Variants in MIA2 observed in about 807,000 individuals in gnomAD.
MIA2 encodes MIA SH3 domain ER export factor 2.
Under a neutral mutation model 167.8 loss-of-function variants are expected in MIA2, and 127 were observed. The observed-to-expected ratio is 0.76, with a 90% CI of 0.66 to 0.88. The LOEUF is 0.88. Among genes scored for constraint, MIA2 ranks in the 40% least tolerant of loss-of-function variants. MIA2 has a pLI of 0.00. For synonymous variants in MIA2, 552 were observed against 541.9 expected (o/e 1.02, Z -0.26); for missense variants, 1,690 against 1,624.7 (o/e 1.04, Z -0.69).
chr14:39,347,200 T>G (rs2073465913), intron 26 of MIA2, among the ~76,000 whole-genome samples: 1 of 152,152 alleles, frequency 6.6e-6, no homozygotes, highest in Non-Finnish European at 1.5e-5. Flanking sequence ...CAAGGACAGA[T>G]GTAGTGAGAA....
chr14:39,272,928 T>C (rs1456253826), intron 6 of MIA2, among the ~76,000 whole-genome samples: 1 of 152,264 alleles, frequency 6.6e-6, no homozygotes, highest in Non-Finnish European at 1.5e-5. Flanking sequence ...GGAAATGTTT[T>C]CTTTATTTCA....
At chr14:39,270,627 C>G (rs1186397991) in intron 6 of MIA2, among the ~76,000 whole-genome samples, 1 of 152,122 alleles carries the variant, frequency 6.6e-6, no homozygotes, top group Non-Finnish European at 1.5e-5. Context: ...TTCCTGGCCT[C>G]AAGGGATCCT....
chr14:39,287,941 G>T (rs2060043622), intron 9 of MIA2, among the ~76,000 whole-genome samples: 1 of 152,038 alleles, frequency 6.6e-6, no homozygotes, highest in African/African-American at 2.4e-5. Flanking sequence ...ACCTCCTGGG[G>T]TCATGTGATT....
At chr14:39,380,726 T>G (rs916986526) in intron 23 of MIA2, among the ~76,000 whole-genome samples, 3 of 146,856 alleles carry the variant, frequency 2.0e-5, no homozygotes, top group Non-Finnish European at 4.5e-5. Context: ...CGATGCCAAG[T>G]CAAACATAAA....
intron 7 of MIA2, 141 bp from the exon 8 acceptor site, chr14:39,279,196 G>A: frequency 1.8e-6 from 1 of 565,356 alleles, no homozygotes; most frequent in Non-Finnish European, 3.1e-6. Flanking sequence ...TTTTCTCATT[G>A]GAAACAGAAT....
At chr14:39,308,126 G>A (rs1021814272) in intron 17 of MIA2, among the ~76,000 whole-genome samples, 1 of 152,062 alleles carries the variant, frequency 6.6e-6, no homozygotes, top group Admixed American at 6.5e-5. Flanking sequence ...CTAGAAGAGA[G>A]GATTTTGAAT....
Position 39,252,766 on chromosome 14 carries a change from A to T in MIA2, c.1586A>T (p.Glu529Val). Residue 529 changes from glutamate (E) to valine (V), a missense_variant, in exon 5 of 29, where the codon GAG (glutamate) becomes GTG (valine). Coordinates refer to ENST00000640607, the MANE Select transcript of MIA2 (RefSeq NM_001329214.4). ...TTTGTAGATATGGTCTCTAACATAG[A>T]GTTACCTACGAGAATTCACGAAGAA... ...YSLSDMVSNI[E>V]LPTRIHEEVY... The T allele has an allele frequency of 1.9e-6, 3 of 1,611,680 alleles. No homozygotes were observed. Among genetic ancestry groups the T allele is most frequent in the Non-Finnish European group, 1.7e-6 (2 of 1,178,362 alleles).
chr14:39,267,421 C>A (rs779611509), intron 6 of MIA2: 42 of 1,609,468 alleles, frequency 2.6e-5, no homozygotes, highest in Non-Finnish European at 3.4e-5. Flanking sequence ...CCCGACAGGC[C>A]GGGGTTACTG....
chr14:39,309,845 A>AGT (rs974961683), intron 18 of MIA2, among the ~76,000 whole-genome samples: 1 of 151,844 alleles, frequency 6.6e-6, no homozygotes, highest in Non-Finnish European at 1.5e-5. Flanking sequence ...GGAGTGAAGG[A>AGT]GTGTGTGTGT....
At chr14:39,300,313 G>T (rs905664205) in intron 14 of MIA2, among the ~76,000 whole-genome samples, 4 of 152,132 alleles carry the variant, frequency 2.6e-5, no homozygotes, top group Non-Finnish European at 2.9e-5. Flanking sequence ...AAGAGTTTGA[G>T]AAATTGGATG....
chr14:39,320,971 T>C lies in MIA2; in HGVS notation c.3411T>C (p.Ser1137=). The change falls in exon 24 of 29, where the codon TCT becomes TCC. Residue 1137 remains serine (S), a synonymous_variant. Transcript: ENST00000640607. Reference sequence around the variant, plus strand: ...CCTCACCATTGGGTTGGCCTTCATCTGAAACAAGAGCTTTTCTCTCTCCTC... The same window carrying C: ...CCTCACCATTGGGTTGGCCTTCATCCGAAACAAGAGCTTTTCTCTCTCCTC... The part of the protein sequence containing the change: ...YGPSPLGWPS[S]ETRAFLSPPT... 6.2e-7 allele frequency: 1 copy of C among 1,613,774 alleles called. No individual in the cohort carries two copies. Among genetic ancestry groups the C allele is most frequent in the Non-Finnish European group, 8.5e-7 (1 of 1,179,732 alleles).
intron 6 of MIA2, among the ~76,000 whole-genome samples, chr14:39,261,140 T>A (rs1040427067): frequency 2.0e-5 from 3 of 151,994 alleles, no homozygotes; most frequent in South Asian, 2.1e-4. Flanking sequence ...TCCCTCCCCC[T>A]CCCCTCACCC....
At chr14:39,269,368 C>T (rs2056708636) in intron 6 of MIA2, among the ~76,000 whole-genome samples, 1 of 151,888 alleles carries the variant, frequency 6.6e-6, no homozygotes, top group South Asian at 2.1e-4. Context: ...CCTTGACAAC[C>T]ACTAATCTAT....
rs1595917384 is a variant in MIA2, at chr14:39,350,110, AT to A, written c.4086del (p.Pro1363HisfsTer32). ...TCTCTTTGAACAGTGAGAAATGTCTATCCACCGAGGGGTTTTCCTCCTTACC... is the reference window on the plus strand; with the variant it reads ...TCTCTTTGAACAGTGAGAAATGTCTACCACCGAGGGGTTTTCCTCCTTACC... ...PPAPFAMRNV[Y>X]PPRGFPPYLP... On this transcript the variant is annotated frameshift_variant, in exon 29 of 29. Coordinates refer to ENST00000640607, the MANE Select transcript of MIA2 (RefSeq NM_001329214.4). LOFTEE classifies it high-confidence loss of function. 1 of 1,322,300 alleles carries A rather than the reference AT, an allele frequency of 7.6e-7. No individual in the cohort carries two copies. The highest frequency in any genetic ancestry group is 1.0e-6 in the Non-Finnish European group (1 of 957,360). 81.9% of individuals were successfully genotyped at this position (1,322,300 alleles called of 1,614,324 possible).
intron 1 of MIA2, among the ~76,000 whole-genome samples, chr14:39,234,685 A>ATGTTTG: frequency 6.6e-6 from 1 of 152,146 alleles, no homozygotes; most frequent in Non-Finnish European, 1.5e-5. Context: ...GACGTTCCTA[A>ATGTTTG]AAAGTGTTTT....
At chr14:39,343,277 T>G (rs1315518351) in intron 25 of MIA2, among the ~76,000 whole-genome samples, 1 of 152,190 alleles carries the variant, frequency 6.6e-6, no homozygotes, top group Non-Finnish European at 1.5e-5. Flanking sequence ...CCCGAGTAGC[T>G]GGGATCGCAG....
chr14:39,366,199 C>T (rs1334300404), intron 23 of MIA2, among the ~76,000 whole-genome samples: 1 of 152,000 alleles, frequency 6.6e-6, no homozygotes, highest in African/African-American at 2.4e-5. Flanking sequence ...CCAGGCCGTC[C>T]TCAGGGCCCA....
intron 23 of MIA2, chr14:39,385,506 G>A: frequency 1.2e-6 from 1 of 856,860 alleles, no homozygotes; most frequent in South Asian, 1.3e-5. Flanking sequence ...TCACAGCGTA[G>A]TCCACTATCT....
At chr14:39,325,205 C>G (rs1047057438) in intron 24 of MIA2, among the ~76,000 whole-genome samples, 1 of 151,470 alleles carries the variant, frequency 6.6e-6, no homozygotes, top group Non-Finnish European at 1.5e-5. Context: ...GTCTGGGTAA[C>G]AGAGTGAGTG....
Sources: allele counts gnomAD v4.1 joint callset (sites outside exome capture counted in the v4.1 genomes callset), GRCh38; gene constraint gnomAD v4.1.1; transcripts MANE v1.5; gene names NCBI Gene and HGNC (gene_info 2026-07-23, HGNC 2026-07-21).